PIAS1: variants seen among roughly 807,000 people sequenced by gnomAD.
The protein encoded by PIAS1 is protein inhibitor of activated STAT 1.
In PIAS1, 6 loss-of-function variants were observed where a neutral mutation model predicts 71.3. The ratio of observed to expected loss-of-function variants is 0.08; its 90% CI spans 0.05 to 0.17. The LOEUF is 0.17. Among genes scored for constraint, PIAS1 ranks in the 10% least tolerant of loss-of-function variants. The probability of loss-of-function intolerance (pLI) is 1.00; values close to 1 mark genes in which losing one functional copy is unlikely to be tolerated. For missense variants in PIAS1, 555 were observed against 793.6 expected (o/e 0.70, Z 3.61); for synonymous variants, 303 against 292.9 (o/e 1.03, Z -0.35).
intron 1 of PIAS1, among the ~76,000 whole-genome samples, chr15:68,079,658 T>G (rs538071047): frequency 1.3e-5 from 2 of 151,888 alleles, no homozygotes; most frequent in Non-Finnish European, 2.9e-5. Flanking sequence ...TTTTTATTTT[T>G]AGTAGAGATG....
chr15:68,109,687 G>T (rs867164950), intron 2 of PIAS1, among the ~76,000 whole-genome samples: 12 of 152,152 alleles, frequency 7.9e-5, no homozygotes, highest in African/African-American at 2.7e-4. Flanking sequence ...ATTTTAAAAT[G>T]CCTTATTCAG....
Position 68,187,442 on chromosome 15 carries a change from TC to T in PIAS1, c.1663-99del. 9.2e-7 allele frequency: 1 copy of T among 1,083,982 alleles called. No individual in the cohort carries two copies. The highest frequency in any genetic ancestry group is 1.4e-6 in the Non-Finnish European group (1 of 740,602). 67.1% of individuals were successfully genotyped at this position (1,083,982 alleles called of 1,614,324 possible). A position where few individuals can be genotyped will look rare whatever the true frequency, so the allele number is the denominator to read the frequency against. The stretch of plus-strand genomic sequence containing the variant: ...TAAATATTTCAGAAACCCTAGATAC[TC>T]AGGCTATCTTAAATTTAGGGCTGTG... On this transcript the variant is annotated intron_variant, in intron 13 of 13. Transcript: ENST00000249636. The surrounding 1 kb of genome is among the most constrained non-coding windows in gnomAD (Gnocchi z 5.3).
chr15:68,069,708 G>T (rs1290737220), intron 1 of PIAS1, among the ~76,000 whole-genome samples: 4 of 151,626 alleles, frequency 2.6e-5, no homozygotes, highest in African/African-American at 7.3e-5. Flanking sequence ...GGAGGCTGAG[G>T]CAGGAGAATG....
intron 2 of PIAS1, among the ~76,000 whole-genome samples, chr15:68,139,693 T>C (rs953716750): frequency 6.6e-6 from 1 of 152,228 alleles, no homozygotes; most frequent in Admixed American, 6.5e-5. Flanking sequence ...ATTAAGATTT[T>C]ATATAACATT....
At chr15:68,093,832 T>C (rs2092352635) in intron 2 of PIAS1, among the ~76,000 whole-genome samples, 1 of 152,216 alleles carries the variant, frequency 6.6e-6, no homozygotes, top group Admixed American at 6.5e-5. Flanking sequence ...TTGTCTGTTT[T>C]TTCACCAAAA....
At chr15:68,118,573 C>T (rs1349568713) in intron 2 of PIAS1, among the ~76,000 whole-genome samples, 2 of 152,138 alleles carry the variant, frequency 1.3e-5, no homozygotes, top group Non-Finnish European at 2.9e-5. Context: ...AACTCCTCGC[C>T]TCAAGCGATC....
chr15:68,122,265 G>A (rs1333294813), intron 2 of PIAS1, among the ~76,000 whole-genome samples: 1 of 152,196 alleles, frequency 6.6e-6, no homozygotes, highest in Non-Finnish European at 1.5e-5. Context: ...CTTCATTGTA[G>A]TTCCACCAGA....
chr15:68,119,236 C>CAAAAAAAAAA (rs1567049943), intron 2 of PIAS1, among the ~76,000 whole-genome samples: 1 of 698 alleles, frequency 1.4e-3, no homozygotes, highest in East Asian at 0.042. Context: ...CCCATCTCTA[C>CAAAAAAAAAA]CAAAAAAAAA....
intron 8 of PIAS1, among the ~76,000 whole-genome samples, chr15:68,169,756 A>AT (rs1305553030): frequency 6.6e-6 from 1 of 152,174 alleles, no homozygotes; most frequent in African/African-American, 2.4e-5. Flanking sequence ...TAAAGCAAAT[A>AT]TGTTTCTGTA....
At position 68,191,814 on chromosome 15, in the gene PIAS1, C is replaced by T. The variant is rs1162816388; in HGVS notation, c.*3979C>T. On this transcript the variant is annotated 3_prime_UTR_variant, in exon 14 of 14. Transcript: ENST00000249636. The stretch of plus-strand genomic sequence containing the variant: ...ACCAGGACCAGGAGTAAGGTAACAG[C>T]CCTTCCTCGGGTAGAGGTTTGAATC... The T allele has an allele frequency of 6.6e-6, 1 of 152,178 alleles. No homozygotes were observed. The highest frequency in any genetic ancestry group is 1.5e-5 in the Non-Finnish European group (1 of 68,056). The allele number at this position is 152,178 out of a possible 1,614,324, so 9.4% of individuals were successfully genotyped here. A position where few individuals can be genotyped will look rare whatever the true frequency, so the allele number is the denominator to read the frequency against.
At chr15:68,082,013 T>C (rs2092234063) in intron 1 of PIAS1, among the ~76,000 whole-genome samples, 2 of 151,930 alleles carry the variant, frequency 1.3e-5, no homozygotes, top group Admixed American at 6.6e-5. Context: ...CTATGAAGGA[T>C]TATGGGTCAG....
chr15:68,187,823 T>C lies in PIAS1; in HGVS notation c.1944T>C (p.Ile648=). The part of the protein sequence containing the change: ...ASIFGIIPDI[I]SLD ...TCTTTGGCATCATACCAGACATTAT[T>C]TCATTGGACTGATTCCCAGGCCCTG... The change falls in exon 14 of 14, where the codon ATT becomes ATC. Residue 648 remains isoleucine, a synonymous_variant. Coordinates refer to ENST00000249636, the MANE Select transcript of PIAS1 (RefSeq NM_016166.3). This position sits in a 1 kb window ranked among gnomAD's most constrained non-coding sequence, Gnocchi z 5.3. The C allele has an allele frequency of 6.2e-7, 1 of 1,612,608 alleles. No homozygotes were observed. Among genetic ancestry groups the C allele is most frequent in the Non-Finnish European group, 8.5e-7 (1 of 1,179,244 alleles).
In PIAS1 at chr15:68,181,306, G is replaced by A; in HGVS notation, c.1576G>A (p.Asp526Asn). 1.2e-6 allele frequency: 2 copies of A among 1,613,778 alleles called. No homozygotes were observed. ...TSYINTSLIQDYRHPFHMTPM... is the reference protein window; with the variant it reads ...TSYINTSLIQNYRHPFHMTPM... ...CTACATTAATACCTCCCTCATCCAA[G>A]ACTATAGGCATCCTTTCCACATGAC... Residue 526 changes from aspartate to asparagine, a missense_variant, in exon 12 of 14, where the codon GAC (aspartate) becomes AAC (asparagine). Transcript: ENST00000249636.
intron 1 of PIAS1, among the ~76,000 whole-genome samples, chr15:68,068,742 C>T (rs575193705): frequency 2.6e-5 from 4 of 152,034 alleles, no homozygotes; most frequent in South Asian, 2.1e-4. Flanking sequence ...CATGAGCCAC[C>T]GCCCCTGCCC....
intron 2 of PIAS1, among the ~76,000 whole-genome samples, chr15:68,134,974 C>T (rs2092714950): frequency 2.1e-5 from 1 of 47,530 alleles, no homozygotes; most frequent in Non-Finnish European, 8.6e-5. Context: ...GGGGCTAACC[C>T]CCCCCACCTC....
At chr15:68,118,211 C>T (rs1273688440) in intron 2 of PIAS1, among the ~76,000 whole-genome samples, 1 of 151,902 alleles carries the variant, frequency 6.6e-6, no homozygotes, top group Non-Finnish European at 1.5e-5. Context: ...GTCCCAGCTA[C>T]TCTGGAGGCT....
intron 7 of PIAS1, among the ~76,000 whole-genome samples, chr15:68,156,163 C>T (rs1168925037): frequency 1.3e-5 from 2 of 152,298 alleles, no homozygotes; most frequent in East Asian, 1.9e-4. Flanking sequence ...ATCTCTGCAT[C>T]CCCCAGAAGT....
At chr15:68,131,788 G>C (rs541775934) in intron 2 of PIAS1, among the ~76,000 whole-genome samples, 10 of 152,070 alleles carry the variant, frequency 6.6e-5, no homozygotes, top group Non-Finnish European at 1.3e-4. Flanking sequence ...TCCGTACTTG[G>C]TATTTTGAAT....
At chr15:68,108,100 T>G (rs1461737919) in intron 2 of PIAS1, among the ~76,000 whole-genome samples, 3 of 152,212 alleles carry the variant, frequency 2.0e-5, no homozygotes, top group African/African-American at 4.8e-5. Context: ...CCATAATCTT[T>G]TTCTTGACTC....
Sources: gnomAD v4.1 joint callset for allele counts (sites outside exome capture counted in the v4.1 genomes callset) on GRCh38, gnomAD v4.1.1 for gene constraint, Gnocchi (gnomAD v3.1) non-coding constraint, MANE v1.5 for transcripts, NCBI Gene and HGNC (gene_info 2026-07-23, HGNC 2026-07-21) for gene names.